The following RUFY3 variants were observed in gnomAD, a reference collection of about 807,000 sequenced individuals.
RUFY3 encodes the protein RUN and FYVE domain containing 3.
Under a neutral mutation model 84.0 loss-of-function variants are expected in RUFY3, and 34 were observed. The ratio of observed to expected loss-of-function variants is 0.40; its 90% confidence interval spans 0.31 to 0.54. The LOEUF (loss-of-function observed/expected upper bound fraction) is 0.54. Ranked by LOEUF, RUFY3 falls within the 20% of genes least tolerant of loss-of-function variation. RUFY3 has a pLI of 0.39. For synonymous variants in RUFY3, 242 were observed against 252.9 expected, an observed-to-expected ratio of 0.96 and a Z score of 0.41; for missense variants, 507 against 736.8, an observed-to-expected ratio of 0.69 and a Z score of 3.61.
At chr4:70,739,922 C>T (rs376509989) in intron 1 of RUFY3, among the ~76,000 whole-genome samples, 4 of 144,300 alleles carry the variant, frequency 2.8e-5, no homozygotes, top group Non-Finnish European at 4.5e-5. Context: ...ACCCAGGAGG[C>T]GGAGGCTGCA....
At chr4:70,790,144 T>C (rs1730569646) in intron 12 of RUFY3, 1 of 152,996 alleles carries the variant, frequency 6.5e-6, no homozygotes, top group African/African-American at 2.4e-5. Context: ...CTTACCTTCA[T>C]CTGGAGACCA....
chr4:70,787,181 AAAAAAAAT>A (rs1218005922), intron 10 of RUFY3, among the ~76,000 whole-genome samples: 5 of 126,872 alleles, frequency 3.9e-5, no homozygotes, highest in African/African-American at 9.8e-5. Flanking sequence ...AAAAAAAAAA[AAAAAAAAT>A]ATATATATAT....
chr4:70,785,920 A>T (rs1729718738), intron 10 of RUFY3, among the ~76,000 whole-genome samples: 1 of 152,224 alleles, frequency 6.6e-6, no homozygotes, highest in African/African-American at 2.4e-5. Context: ...AAAGGAAATG[A>T]AATCAGTATG....
At chr4:70,794,553 C>T in intron 13 of RUFY3, 1 of 440,442 alleles carries the variant, frequency 2.3e-6, no homozygotes, top group Non-Finnish European at 4.0e-6. Flanking sequence ...TGCACTCCAG[C>T]CTGGCAACAG....
At chr4:70,719,580 A>T (rs1439993979), upstream of RUFY3, among the ~76,000 whole-genome samples, 1 of 152,226 alleles carries the variant, frequency 6.6e-6, no homozygotes, top group Non-Finnish European at 1.5e-5. Context: ...ACACATACAG[A>T]TAGCTAGGGC....
chr4:70,777,136 G>A (rs1728102969), intron 7 of RUFY3, among the ~76,000 whole-genome samples: 1 of 152,152 alleles, frequency 6.6e-6, no homozygotes, highest in South Asian at 2.1e-4. Flanking sequence ...TACATGCCCA[G>A]CTTTGCCCAA....
intron 17 of RUFY3, among the ~76,000 whole-genome samples, chr4:70,804,989 T>C (rs1233398695): frequency 6.6e-6 from 1 of 151,928 alleles, no homozygotes; most frequent in African/African-American, 2.4e-5. Flanking sequence ...CAGATAGAAA[T>C]GTATAAGTAA....
At chr4:70,729,148 T>C (rs1424374470) in intron 1 of RUFY3, among the ~76,000 whole-genome samples, 3 of 152,210 alleles carry the variant, frequency 2.0e-5, no homozygotes, top group Non-Finnish European at 4.4e-5. Context: ...TAATATAGGA[T>C]AGTGGTTAAA....
intron 4 of RUFY3, among the ~76,000 whole-genome samples, chr4:70,767,766 C>T (rs954002460): frequency 6.6e-6 from 1 of 151,988 alleles, no homozygotes; most frequent in African/African-American, 2.4e-5. Flanking sequence ...GCAACCTCCG[C>T]CTCCTGTGTT....
At chr4:70,765,349 T>A (rs1240424554) in intron 4 of RUFY3, among the ~76,000 whole-genome samples, 1 of 152,092 alleles carries the variant, frequency 6.6e-6, no homozygotes, top group Non-Finnish European at 1.5e-5. Flanking sequence ...GTAAAATCAA[T>A]CTATGGTGAT....
At chr4:70,791,577 C>G in intron 12 of RUFY3, 1 of 1,233,650 alleles carries the variant, frequency 8.1e-7, no homozygotes, top group East Asian at 4.2e-5. Context: ...ATAAAAATAC[C>G]ACTTTCTTTA....
intron 1 of RUFY3, chr4:70,734,439 T>G: frequency 1.0e-6 from 1 of 985,420 alleles, no homozygotes; most frequent in Non-Finnish European, 1.2e-6. Flanking sequence ...GCTGTGATTA[T>G]GTGTTCAGAA....
intron 5 of RUFY3, among the ~76,000 whole-genome samples, chr4:70,773,024 A>T (rs1312146859): frequency 6.6e-6 from 1 of 152,174 alleles, no homozygotes; most frequent in African/African-American, 2.4e-5. Context: ...AAAAATGAAG[A>T]CGTGTACATC....
At chr4:70,744,918 G>A (rs1721950556) in intron 1 of RUFY3, among the ~76,000 whole-genome samples, 1 of 151,724 alleles carries the variant, frequency 6.6e-6, no homozygotes, top group Non-Finnish European at 1.5e-5. Flanking sequence ...GGCTCCCAAA[G>A]TGCTGGGATT....
chr4:70,784,318 A>G (rs1411477973), intron 9 of RUFY3, among the ~76,000 whole-genome samples: 2 of 152,156 alleles, frequency 1.3e-5, no homozygotes, highest in Admixed American at 6.5e-5. Context: ...CCCCGTCTCT[A>G]CTAAAAATAC....
At chr4:70,789,848 T>C in intron 12 of RUFY3, 1 of 1,129,420 alleles carries the variant, frequency 8.9e-7, no homozygotes, top group Non-Finnish European at 1.1e-6. Flanking sequence ...GTTTTGAACA[T>C]CAGAACTCTT....
In RUFY3 at chr4:70,760,363, C is replaced by G. The variant is rs113766891; in HGVS notation, c.179-2156C>G. ...GTTGGAATCAGCTTGTAAACTTTGA[C>G]TAGCAGCATTGTTTAATCTTGTTAT... is the stretch of plus-strand genomic sequence containing the variant. On this transcript the variant is annotated intron_variant, in intron 1 of 17. Transcript: ENST00000381006. 5.7e-3 allele frequency among the ~76,000 whole-genome samples: 866 copies of G among 152,262 alleles called. 14 individuals are homozygous for G. Among genetic ancestry groups the G allele is most frequent in the African/African-American group, 0.02 (840 of 41,560 alleles).
At chr4:70,773,930 T>C (rs1205004143) in intron 6 of RUFY3, among the ~76,000 whole-genome samples, 17 of 152,318 alleles carry the variant, frequency 1.1e-4, no homozygotes, top group Admixed American at 7.8e-4. Context: ...ATATGAAATA[T>C]GCACTGTGAG....
chr4:70,710,617 C>T (rs984395527), intron 1 of RUFY3, among the ~76,000 whole-genome samples: 2 of 151,936 alleles, frequency 1.3e-5, no homozygotes, highest in African/African-American at 4.8e-5. Flanking sequence ...TTGTGGTGAG[C>T]CGAGATTGCG....
Sources: allele counts gnomAD v4.1 joint callset (sites outside exome capture counted in the v4.1 genomes callset), GRCh38; gene constraint gnomAD v4.1.1; transcripts MANE v1.5; gene names NCBI Gene and HGNC (gene_info 2026-07-23, HGNC 2026-07-21).